The following DMD variants were observed in gnomAD, a reference collection of about 807,000 sequenced individuals.
DMD encodes the protein dystrophin, also known as mutant dystrophin.
Under a neutral mutation model 330.1 loss-of-function variants are expected in DMD, and 63 were observed. The observed-to-expected ratio is 0.19, with a 90% CI of 0.16 to 0.24. DMD has a LOEUF of 0.24. Among genes scored for constraint, DMD ranks in the 10% least tolerant of loss-of-function variants. DMD has a pLI of 1.00. For synonymous variants in DMD, 1,223 were observed against 959.8 expected, an observed-to-expected ratio of 1.27 and a Z score of -5.07; for missense variants, 3,344 against 2,684.1, an observed-to-expected ratio of 1.25 and a Z score of -5.43.
intron 1 of DMD, among the ~76,000 whole-genome samples, chrX:33,036,669 C>T (rs1296145760): frequency 9.0e-6 from 1 of 110,994 alleles, no homozygotes; most frequent in African/African-American, 3.3e-5. Flanking sequence ...CACATTCCTA[C>T]CTGTAATGGA....
intron 7 of DMD, among the ~76,000 whole-genome samples, chrX:32,707,471 T>G (rs1183699968): frequency 9.0e-6 from 1 of 111,601 alleles, no homozygotes; most frequent in East Asian, 2.8e-4. Flanking sequence ...GTCAGTTAAA[T>G]GAAAATTCGC....
At chrX:32,325,110 T>C (rs2097644277) in intron 41 of DMD, among the ~76,000 whole-genome samples, 1 of 111,108 alleles carries the variant, frequency 9.0e-6, no homozygotes, top group Non-Finnish European at 1.9e-5. Flanking sequence ...AAAATATATC[T>C]ATATATACTA....
intron 1 of DMD, among the ~76,000 whole-genome samples, chrX:33,091,010 T>C (rs1417219214): frequency 9.0e-6 from 1 of 110,978 alleles, no homozygotes; most frequent in Non-Finnish European, 1.9e-5. Context: ...CCTATGTTTT[T>C]CTGATTCTCC....
At chrX:32,131,914 G>A (rs1274171297) in intron 44 of DMD, among the ~76,000 whole-genome samples, 6 of 111,613 alleles carry the variant, frequency 5.4e-5, no homozygotes, top group South Asian at 3.8e-4. Context: ...TGTCAGTTCC[G>A]TAATTTTAAA....
At position 32,614,364 on chromosome X, in the gene DMD, A is replaced by G. The variant is rs1450755467; in HGVS notation, c.1421T>C (p.Met474Thr). The G allele has an allele frequency of 3.3e-6, 4 of 1,205,386 alleles. No homozygotes were observed. The East Asian group carries it at 8.9e-5, about 27-fold the overall frequency. The change falls in exon 12 of 79, where the codon ATG (methionine) becomes ACG (threonine). Residue 474 changes from methionine (M) to threonine (T), a missense_variant. By Grantham distance (81) the Met-to-Thr change is moderately conservative. Coordinates refer to ENST00000357033, the MANE Select transcript of DMD (RefSeq NM_004006.3). ...ATCAGGTCCAAGAGGCTCTTCCTCCATTTTCCTTGTTCTTTCTTCTGTTTT... is the reference window on the plus strand; with the variant it reads ...ATCAGGTCCAAGAGGCTCTTCCTCCGTTTTCCTTGTTCTTTCTTCTGTTTT... ...LTKTEERTRKMEEEPLGPDLE... is the reference protein window; with the variant it reads ...LTKTEERTRKTEEEPLGPDLE...
At chrX:32,791,512 A>T (rs1420819618) in intron 7 of DMD, among the ~76,000 whole-genome samples, 1 of 111,637 alleles carries the variant, frequency 9.0e-6, no homozygotes, top group East Asian at 2.8e-4. Flanking sequence ...CTGCACCCTA[A>T]GCTACTGAGG....
At chrX:32,707,499 G>A (rs1010602363) in intron 7 of DMD, among the ~76,000 whole-genome samples, 1 of 111,538 alleles carries the variant, frequency 9.0e-6, no homozygotes, top group African/African-American at 3.3e-5. Flanking sequence ...TGTGACTTTA[G>A]GAGTTTTAAA....
intron 4 of DMD, among the ~76,000 whole-genome samples, chrX:32,844,345 G>T (rs1052428465): frequency 9.4e-6 from 1 of 106,376 alleles, no homozygotes; most frequent in Non-Finnish European, 1.9e-5. Flanking sequence ...GGCAGAGTTT[G>T]CAGTGAGCCG....
chrX:32,401,371 T>C (rs1413586062), intron 30 of DMD, among the ~76,000 whole-genome samples: 1 of 111,960 alleles, frequency 8.9e-6, no homozygotes, highest in Non-Finnish European at 1.9e-5. Flanking sequence ...CACAATACAG[T>C]ACTATTCAGC....
intron 71 of DMD, 142 bp downstream of exon 71, chrX:31,177,790 A>C: frequency 1.7e-6 from 1 of 574,983 alleles, no homozygotes; most frequent in South Asian, 2.8e-5. Context: ...GAAAAAAAAA[A>C]ACTGAAATGA....
intron 1 of DMD, among the ~76,000 whole-genome samples, chrX:33,125,023 TAAAAAAAAAAAAAA>T (rs59232009): frequency 3.6e-5 from 1 of 27,864 alleles, no homozygotes; most frequent in Non-Finnish European, 6.4e-5. Context: ...AAAGTCCATC[TAAAAAAAAAAAAAA>T]AAAAAAAAAA....
intron 2 of DMD, among the ~76,000 whole-genome samples, chrX:32,872,978 G>C (rs1237203886): frequency 2.7e-5 from 3 of 111,924 alleles, no homozygotes; most frequent in African/African-American, 9.7e-5. Flanking sequence ...ACTAATCTTA[G>C]TGGTGGCTAC....
chrX:32,390,010 T>C, intron 31 of DMD, 61 bp downstream of exon 31: 2 of 907,197 alleles, frequency 2.2e-6, no homozygotes, highest in Non-Finnish European at 1.6e-6. Flanking sequence ...AGTTGTCCAA[T>C]ATAGACTGGA....
intron 41 of DMD, among the ~76,000 whole-genome samples, chrX:32,328,689 C>CAA (rs534540235): frequency 1.1e-5 from 1 of 88,614 alleles, no homozygotes; most frequent in Non-Finnish European, 2.3e-5. Flanking sequence ...AACAACATTA[C>CAA]AAAAAAAAAA....
intron 1 of DMD, among the ~76,000 whole-genome samples, chrX:33,237,141 A>G (rs1659877167): frequency 9.1e-6 from 1 of 109,400 alleles, no homozygotes; most frequent in African/African-American, 3.3e-5. Flanking sequence ...TCCAAATAAT[A>G]TAAAACGCAC....
intron 1 of DMD, among the ~76,000 whole-genome samples, chrX:33,087,094 C>T (rs901878081): frequency 9.0e-6 from 1 of 111,491 alleles, no homozygotes; most frequent in Non-Finnish European, 1.9e-5. Context: ...CAGGCCAATT[C>T]CCCTCCTCTA....
chrX:32,885,750 C>T lies in DMD; in HGVS notation c.94-35930G>A, dbSNP rs983493186. Among the ~76,000 whole-genome samples the T allele has an allele frequency of 6.2e-5, 6 of 97,409 alleles. No individual in the cohort carries two copies. The East Asian group carries it at 9.6e-4, about 16-fold the overall frequency. The allele number at this position is 97,409 out of a possible 115,157, so 84.6% of individuals were successfully genotyped here. A position where few individuals can be genotyped will look rare whatever the true frequency, so the allele number is the denominator to read the frequency against. ...TGATGCATCACATAAAATGTAGAAG[C>T]GAAATTTGAGGGTTTAGAATATTTC... On this transcript the variant is annotated intron_variant, in intron 2 of 78. Coordinates refer to ENST00000357033, the MANE Select transcript of DMD (RefSeq NM_004006.3).
intron 44 of DMD, among the ~76,000 whole-genome samples, chrX:32,023,083 G>A (rs909812714): frequency 1.3e-4 from 14 of 110,787 alleles, no homozygotes; most frequent in Non-Finnish European, 2.1e-4. Context: ...CGCCCGCCTC[G>A]GCCTCCTGAA....
intron 41 of DMD, among the ~76,000 whole-genome samples, chrX:32,320,785 T>A (rs2097609564): frequency 8.9e-6 from 1 of 111,860 alleles, no homozygotes; most frequent in South Asian, 3.7e-4. Flanking sequence ...AACAATGTGT[T>A]CTATTTTAAA....
Sources: gnomAD v4.1 joint callset for allele counts (sites outside exome capture counted in the v4.1 genomes callset) on GRCh38, gnomAD v4.1.1 for gene constraint, MANE v1.5 for transcripts, NCBI Gene and HGNC (gene_info 2026-07-23, HGNC 2026-07-21) for gene names.